HIPK2: variants seen among roughly 807,000 people sequenced by gnomAD.
HIPK2 encodes homeodomain-interacting protein kinase 2.
In HIPK2, 27 loss-of-function variants were observed where a neutral mutation model predicts 113.7. The ratio of observed to expected loss-of-function variants is 0.24; its 90% CI spans 0.17 to 0.33. The LOEUF is 0.33. Among genes scored for constraint, HIPK2 ranks in the 10% least tolerant of loss-of-function variants. HIPK2 has a pLI of 1.00. For missense variants in HIPK2, 1,257 were observed against 1,588.0 expected, an observed-to-expected ratio of 0.79 and a Z score of 3.54; for synonymous variants, 631 against 642.2, an observed-to-expected ratio of 0.98 and a Z score of 0.26.
At chr7:139,729,874 C>T (rs919980403) in intron 1 of HIPK2, among the ~76,000 whole-genome samples, 3 of 152,138 alleles carry the variant, frequency 2.0e-5, no homozygotes, top group South Asian at 2.1e-4. Flanking sequence ...CAAACCTTTA[C>T]GAAAGAAAGC....
chr7:139,618,669 C>A (rs758429416), intron 7 of HIPK2, among the ~76,000 whole-genome samples: 1 of 152,162 alleles, frequency 6.6e-6, no homozygotes, highest in Non-Finnish European at 1.5e-5. Context: ...CCCCCCACCC[C>A]GCGTCTGGTC....
intron 12 of HIPK2, 181 bp from the exon 13 acceptor site, chr7:139,584,245 G>T: frequency 3.4e-6 from 1 of 295,408 alleles, no homozygotes; most frequent in Non-Finnish European, 5.0e-6. Context: ...GTAGCCGGCA[G>T]CAGGGGGACA....
At chr7:139,745,715 C>G (rs963033859) in intron 1 of HIPK2, among the ~76,000 whole-genome samples, 4 of 152,172 alleles carry the variant, frequency 2.6e-5, no homozygotes, top group Non-Finnish European at 5.9e-5. Flanking sequence ...TTCCACACCC[C>G]CCTCACCCCC....
intron 1 of HIPK2, among the ~76,000 whole-genome samples, chr7:139,746,102 T>C (rs1310800866): frequency 6.6e-6 from 1 of 152,098 alleles, no homozygotes; most frequent in Non-Finnish European, 1.5e-5. Flanking sequence ...ATCTGCAAAT[T>C]ATTCATTATT....
At chr7:139,693,698 T>C (rs1488883285) in intron 2 of HIPK2, among the ~76,000 whole-genome samples, 1 of 150,984 alleles carries the variant, frequency 6.6e-6, no homozygotes, top group Non-Finnish European at 1.5e-5. Flanking sequence ...TGCTATGATG[T>C]CTTCCTGTTA....
chr7:139,702,100 C>T (rs960399487), intron 2 of HIPK2, among the ~76,000 whole-genome samples: 71 of 152,166 alleles, frequency 4.7e-4, no homozygotes, highest in Non-Finnish European at 8.2e-4. Flanking sequence ...GAAGGGCAGT[C>T]CCTCCCAGTG....
chr7:139,634,125 T>A (rs1030112511), intron 2 of HIPK2, among the ~76,000 whole-genome samples: 16 of 149,436 alleles, frequency 1.1e-4, no homozygotes, highest in South Asian at 2.1e-4. Context: ...AAAAAAAAAA[T>A]TTTAGTTTAT....
At chr7:139,615,998 C>T (rs567125266) in intron 7 of HIPK2, among the ~76,000 whole-genome samples, 2 of 152,280 alleles carry the variant, frequency 1.3e-5, no homozygotes, top group Non-Finnish European at 1.5e-5. Flanking sequence ...TTCTCCATAT[C>T]GCGATCTCTT....
chr7:139,766,526 C>T (rs187368332), intron 1 of HIPK2, among the ~76,000 whole-genome samples: 2 of 152,282 alleles, frequency 1.3e-5, no homozygotes, highest in East Asian at 1.9e-4. Flanking sequence ...TTAGCACCTT[C>T]GGTCTCCAGC....
At chr7:139,707,349 G>C (rs1289768049) in intron 2 of HIPK2, among the ~76,000 whole-genome samples, 1 of 152,262 alleles carries the variant, frequency 6.6e-6, no homozygotes, top group African/African-American at 2.4e-5. Context: ...ACTGGCCGTG[G>C]GTTTGCTGGC....
chr7:139,769,120 A>G (rs1487786367), intron 1 of HIPK2, among the ~76,000 whole-genome samples: 2 of 152,232 alleles, frequency 1.3e-5, no homozygotes, highest in Admixed American at 1.3e-4. Context: ...GATCACTGCC[A>G]TAAGGTGTGG....
At chr7:139,754,795 A>G (rs1440013615) in intron 1 of HIPK2, among the ~76,000 whole-genome samples, 1 of 152,126 alleles carries the variant, frequency 6.6e-6, no homozygotes, top group Non-Finnish European at 1.5e-5. Context: ...AGGGGAGAGA[A>G]GGAGAGACGA....
In HIPK2 at chr7:139,598,511, T is replaced by C. The variant is rs76404172; in HGVS notation, c.2436-1513A>G. Reference sequence around the variant, plus strand: ...ATGGTTTTAGTATCTCCACTTGGCATTGTTAAGGAAAAGTATGCCTGGCCA... The same window carrying C: ...ATGGTTTTAGTATCTCCACTTGGCACTGTTAAGGAAAAGTATGCCTGGCCA... On this transcript the variant is annotated intron_variant, in intron 11 of 14. Transcript: ENST00000406875. 4.5e-3 allele frequency among the ~76,000 whole-genome samples: 691 copies of C among 152,350 alleles called. 6 individuals are homozygous for C. The highest frequency in any genetic ancestry group is 0.016 in the African/African-American group (648 of 41,580).
intron 7 of HIPK2, among the ~76,000 whole-genome samples, chr7:139,620,191 G>C (rs1157007299): frequency 6.6e-6 from 1 of 152,206 alleles, no homozygotes; most frequent in African/African-American, 2.4e-5. Flanking sequence ...GCCCTCACCA[G>C]TCCTTTCTGG....
intron 1 of HIPK2, among the ~76,000 whole-genome samples, chr7:139,764,862 G>A (rs1796527256): frequency 6.6e-6 from 1 of 152,192 alleles, no homozygotes; most frequent in Non-Finnish European, 1.5e-5. Flanking sequence ...TAGGCTTGGT[G>A]TGGTGGCTCA....
chr7:139,593,899 G>T (rs1159301732), intron 12 of HIPK2, among the ~76,000 whole-genome samples: 1 of 152,180 alleles, frequency 6.6e-6, no homozygotes, highest in East Asian at 1.9e-4. Context: ...CCCTCCATGT[G>T]GCTGCACTTG....
Position 139,568,431 on chromosome 7 carries a change from A to C in HIPK2, c.*4496T>G, listed in dbSNP as rs990859013. On this transcript the variant is annotated 3_prime_UTR_variant, in exon 15 of 15. Coordinates refer to ENST00000406875, the MANE Select transcript of HIPK2 (RefSeq NM_022740.5). ...ACCCACTTCCCTTGGAAACATCCAAAACATCATGAAGAGGCCCTAAGCACA... is the reference window on the plus strand; with the variant it reads ...ACCCACTTCCCTTGGAAACATCCAACACATCATGAAGAGGCCCTAAGCACA... The C allele has an allele frequency of 6.6e-6, 1 of 152,324 alleles. No homozygotes were observed. The highest frequency in any genetic ancestry group is 1.5e-5 in the Non-Finnish European group (1 of 68,136). 9.4% of individuals were successfully genotyped at this position (152,324 alleles called of 1,614,324 possible).
chr7:139,701,003 C>T (rs1265565833), intron 2 of HIPK2, among the ~76,000 whole-genome samples: 2 of 152,348 alleles, frequency 1.3e-5, no homozygotes, highest in African/African-American at 4.8e-5. Flanking sequence ...AAAAATAGCA[C>T]ATTTCTCAGA....
intron 1 of HIPK2, among the ~76,000 whole-genome samples, chr7:139,750,501 C>T (rs910521927): frequency 6.6e-6 from 1 of 152,164 alleles, no homozygotes; most frequent in African/African-American, 2.4e-5. Flanking sequence ...CATGCGTGAA[C>T]ACGCCAGTTA....
Sources: gnomAD v4.1 joint callset for allele counts (sites outside exome capture counted in the v4.1 genomes callset) on GRCh38, gnomAD v4.1.1 for gene constraint, MANE v1.5 for transcripts, NCBI Gene and HGNC (gene_info 2026-07-23, HGNC 2026-07-21) for gene names.